ZFP64: variants seen among roughly 807,000 people sequenced by gnomAD.
The protein encoded by ZFP64 is zinc finger protein 64.
In ZFP64, 14 loss-of-function variants were observed where a neutral mutation model predicts 51.6. That is an observed-to-expected ratio of 0.27 (90% CI 0.18 to 0.42). The LOEUF (loss-of-function observed/expected upper bound fraction) is 0.42, where lower values mean the gene tolerates loss of function less well. ZFP64 is among the 10% of genes least tolerant of loss of function. The pLI, the probability that ZFP64 is intolerant of heterozygous loss-of-function variation, is 1.00. For missense variants in ZFP64, 754 were observed against 906.8 expected (o/e 0.83, Z 2.16); for synonymous variants, 375 against 361.4 (o/e 1.04, Z -0.43).
intron 5 of ZFP64, chr20:52,104,551 CACCTCTCGGGCCTCCGGTG>C (rs562249375): frequency 8.1e-6 from 3 of 371,106 alleles, no homozygotes; most frequent in Non-Finnish European, 1.1e-5. Context: ...CTGCCCCCAT[CACCTCTCGGGCCTCCGGTG>C]ACCTCTCGGG....
intron 5 of ZFP64, among the ~76,000 whole-genome samples, chr20:52,100,221 C>T (rs188939641): frequency 3.1e-4 from 47 of 151,996 alleles, no homozygotes; most frequent in Non-Finnish European, 5.9e-4. Flanking sequence ...GATCTCCTGA[C>T]CTTGTGATCC....
At chr20:52,101,632 T>C (rs2079051770) in intron 5 of ZFP64, among the ~76,000 whole-genome samples, 1 of 152,076 alleles carries the variant, frequency 6.6e-6, no homozygotes, top group South Asian at 2.1e-4. Flanking sequence ...GGTCTCAAAC[T>C]CCTGAGCTCG....
chr20:52,176,345 G>A (rs917119166), intron 2 of ZFP64, among the ~76,000 whole-genome samples: 1 of 151,918 alleles, frequency 6.6e-6, no homozygotes, highest in Non-Finnish European at 1.5e-5. Flanking sequence ...ATGGTCACAG[G>A]GCAGCAGTGC....
At chr20:52,111,747 TGTA>T (rs1216787939) in intron 5 of ZFP64, among the ~76,000 whole-genome samples, 1 of 152,044 alleles carries the variant, frequency 6.6e-6, no homozygotes, top group Non-Finnish European at 1.5e-5. Flanking sequence ...GGCAGGATAA[TGTA>T]GTAACTAAAA....
downstream of ZFP64, among the ~76,000 whole-genome samples, chr20:52,146,978 A>G (rs1980559754): frequency 2.6e-5 from 4 of 152,242 alleles, no homozygotes; most frequent in Admixed American, 2.0e-4. Flanking sequence ...CTGTGTCAAC[A>G]TATTTAAGTG....
At chr20:52,184,689 C>T (rs1030819943) in intron 2 of ZFP64, among the ~76,000 whole-genome samples, 2 of 152,046 alleles carry the variant, frequency 1.3e-5, no homozygotes, top group Non-Finnish European at 2.9e-5. Context: ...TGCAGTGGTA[C>T]GATCATAGCT....
intron 5 of ZFP64, among the ~76,000 whole-genome samples, chr20:52,115,809 G>A (rs1458185881): frequency 6.6e-6 from 1 of 151,982 alleles, no homozygotes; most frequent in African/African-American, 2.4e-5. Flanking sequence ...CTCTCTGTGT[G>A]TGTGAACATT....
intron 5 of ZFP64, among the ~76,000 whole-genome samples, chr20:52,140,262 C>T (rs537404037): frequency 1.2e-4 from 18 of 152,240 alleles, no homozygotes; most frequent in South Asian, 8.3e-4. Context: ...AAGAGTCCCA[C>T]GTCTCTCACT....
At chr20:52,132,843 T>G (rs1979787435) in intron 5 of ZFP64, among the ~76,000 whole-genome samples, 1 of 152,078 alleles carries the variant, frequency 6.6e-6, no homozygotes, top group African/African-American at 2.4e-5. Context: ...AGGGAATATT[T>G]CCAGACTCAT....
chr20:52,160,725 A>T lies in ZFP64; in HGVS notation c.512-351T>A, dbSNP rs371892568. 2.0e-5 allele frequency among the ~76,000 whole-genome samples: 3 copies of T among 152,070 alleles called. No individual in the cohort carries two copies. The highest frequency in any genetic ancestry group is 4.4e-5 in the Non-Finnish European group (3 of 68,016). The stretch of plus-strand genomic sequence containing the variant: ...ATTCACTCTCTCCTTTTTCCTTTTC[A>T]CAACAGAGATGCACCGTAAAATTTA... On this transcript the variant is annotated intron_variant, in intron 4 of 5. Coordinates refer to ENST00000216923, the MANE Select transcript of ZFP64 (RefSeq NM_018197.3). This position sits in a 1 kb window ranked among gnomAD's most constrained non-coding sequence, Gnocchi z 4.2.
chr20:52,184,962 G>A (rs1022636710), intron 2 of ZFP64, among the ~76,000 whole-genome samples: 3 of 152,080 alleles, frequency 2.0e-5, no homozygotes, highest in Non-Finnish European at 4.4e-5. Flanking sequence ...ACATACAAAG[G>A]CTCCACTTTC....
intron 5 of ZFP64, among the ~76,000 whole-genome samples, chr20:52,129,182 C>T (rs930138325): frequency 1.3e-5 from 2 of 151,424 alleles, no homozygotes. Flanking sequence ...CCCGGGTTCA[C>T]GCCGTTCTCC....
chr20:52,130,846 C>T (rs370633426), intron 5 of ZFP64, among the ~76,000 whole-genome samples: 21 of 152,150 alleles, frequency 1.4e-4, no homozygotes, highest in African/African-American at 2.9e-4. Flanking sequence ...GAGGCTGAGG[C>T]GGGTAGATCA....
chr20:52,097,435 C>G, exon 7 of ZFP64: 1 of 1,595,424 alleles, frequency 6.3e-7, no homozygotes, highest in East Asian at 2.2e-5. Context: ...GAAGTGGCAA[C>G]CTAGAAAAGA....
chr20:52,101,033 G>A (rs1319133920), intron 5 of ZFP64, among the ~76,000 whole-genome samples: 1 of 152,050 alleles, frequency 6.6e-6, no homozygotes, highest in Admixed American at 6.6e-5. Context: ...GCAATGCCTG[G>A]GAACATTTTC....
At chr20:52,174,024 C>T (rs186299160) in intron 2 of ZFP64, among the ~76,000 whole-genome samples, 271 of 152,228 alleles carry the variant, frequency 1.8e-3, no homozygotes, top group Admixed American at 3.4e-3. Flanking sequence ...TATTAAATGA[C>T]TATTCTCTCT....
intron 5 of ZFP64, among the ~76,000 whole-genome samples, chr20:52,122,807 G>A (rs1979258202): frequency 6.6e-6 from 1 of 152,150 alleles, no homozygotes; most frequent in Non-Finnish European, 1.5e-5. Flanking sequence ...CTGAACTACT[G>A]CAATCTCATG....
intron 7 of ZFP64, among the ~76,000 whole-genome samples, chr20:52,094,832 C>G (rs1002892401): frequency 1.5e-4 from 23 of 152,132 alleles, no homozygotes; most frequent in African/African-American, 5.3e-4. Flanking sequence ...CCTCAGTATT[C>G]CTAGCTTTCT....
At chr20:52,166,553 G>A (rs1200360230) in intron 2 of ZFP64, among the ~76,000 whole-genome samples, 1 of 151,780 alleles carries the variant, frequency 6.6e-6, no homozygotes, top group East Asian at 1.9e-4. Context: ...CTTCCAGGCT[G>A]GAGCAATCCT....
Sources: gnomAD v4.1 joint callset for allele counts (sites outside exome capture counted in the v4.1 genomes callset) on GRCh38, gnomAD v4.1.1 for gene constraint, Gnocchi (gnomAD v3.1) non-coding constraint, MANE v1.5 for transcripts, NCBI Gene and HGNC (gene_info 2026-07-23, HGNC 2026-07-21) for gene names.